The following FLNB variants were observed in gnomAD, a reference collection of about 807,000 sequenced individuals.
FLNB encodes the protein filamin B, also known as filamin-B.
A neutral mutation model predicts 250.6 loss-of-function variants in FLNB; 111 were observed. The observed-to-expected ratio is 0.44, with a 90% CI of 0.38 to 0.52. The LOEUF (loss-of-function observed/expected upper bound fraction) is 0.52. FLNB is among the 20% of genes least tolerant of loss of function. The pLI, the probability that FLNB is intolerant of heterozygous loss-of-function variation, is 0.00. For missense variants in FLNB, 2,869 were observed against 3,447.8 expected, an observed-to-expected ratio of 0.83 and a Z score of 4.20; for synonymous variants, 1,302 against 1,372.1, an observed-to-expected ratio of 0.95 and a Z score of 1.13.
At chr3:58,087,275 A>G (rs1055727325) in intron 4 of FLNB, among the ~76,000 whole-genome samples, 36 of 152,282 alleles carry the variant, frequency 2.4e-4, no homozygotes, top group Admixed American at 2.3e-3. Context: ...CTTTGCAAGT[A>G]TCTTTTAAGG....
At chr3:58,034,838 C>T (rs1005413990) in intron 1 of FLNB, among the ~76,000 whole-genome samples, 2 of 152,100 alleles carry the variant, frequency 1.3e-5, no homozygotes, top group African/African-American at 4.8e-5. Context: ...GTCCCAGGCC[C>T]GCAGCCACAC....
In FLNB at chr3:58,118,940, T is replaced by G. The variant is rs370442597; in HGVS notation, c.2814T>G (p.Val938=). The G allele has an allele frequency of 3.1e-6, 5 of 1,614,036 alleles. No individual in the cohort carries two copies. In the African/African-American group the frequency reaches 6.7e-5, roughly 22 times the overall value. ...CTAAAAGCCCTTTCACTGTGGGTGT[T>G]GCTGCACCGCTGGATCTGAGCAAGA... The part of the protein sequence containing the change: ...PIPKSPFTVG[V]AAPLDLSKIK... Residue 938 remains valine, a synonymous_variant, in exon 19 of 46, where the codon GTT becomes GTG. Transcript: ENST00000295956.
intron 12 of FLNB, 65 bp from the exon 13 acceptor site, chr3:58,108,393 T>G: frequency 9.7e-7 from 1 of 1,036,154 alleles, no homozygotes; most frequent in Non-Finnish European, 1.5e-6. Context: ...TGGTTACCTG[T>G]CTTTGTATAA....
intron 1 of FLNB, among the ~76,000 whole-genome samples, chr3:58,018,589 C>T (rs2097109205): frequency 1.3e-5 from 2 of 152,016 alleles, no homozygotes; most frequent in South Asian, 4.2e-4. Flanking sequence ...GATCTTGGCT[C>T]ACTGCAACCT....
At chr3:58,038,397 T>C (rs1008741994) in intron 1 of FLNB, among the ~76,000 whole-genome samples, 1 of 151,748 alleles carries the variant, frequency 6.6e-6, no homozygotes, top group African/African-American at 2.4e-5. Flanking sequence ...AAGTCAAGAC[T>C]GAGTTAGTTC....
At chr3:58,158,372 G>A (rs1188319036) in intron 41 of FLNB, among the ~76,000 whole-genome samples, 1 of 152,198 alleles carries the variant, frequency 6.6e-6, no homozygotes, top group East Asian at 1.9e-4. Flanking sequence ...TGTATATATG[G>A]CCTCGTGGCT....
intron 10 of FLNB, among the ~76,000 whole-genome samples, chr3:58,104,314 G>T (rs1043456054): frequency 4.6e-5 from 7 of 152,104 alleles, no homozygotes; most frequent in Non-Finnish European, 1.0e-4. Flanking sequence ...GTTAGGGGCT[G>T]GTGGGAGGCA....
intron 1 of FLNB, among the ~76,000 whole-genome samples, chr3:58,057,412 A>T (rs75917808): frequency 6.6e-6 from 1 of 152,214 alleles, no homozygotes; most frequent in Non-Finnish European, 1.5e-5. Context: ...GTCTGCCTCT[A>T]CCTAGCTTTA....
intron 1 of FLNB, among the ~76,000 whole-genome samples, chr3:58,030,292 T>G (rs1011350285): frequency 6.6e-6 from 1 of 152,120 alleles, no homozygotes. Flanking sequence ...CTGGCTCACA[T>G]AGAAGGAAAA....
intron 1 of FLNB, among the ~76,000 whole-genome samples, chr3:58,056,114 T>A (rs1231306907): frequency 6.6e-5 from 10 of 150,574 alleles, no homozygotes; most frequent in South Asian, 2.1e-4. Context: ...TATTTTTTTT[T>A]TTTTTGAGGT....
chr3:58,080,696 G>A (rs2097207944), intron 3 of FLNB, among the ~76,000 whole-genome samples: 1 of 151,556 alleles, frequency 6.6e-6, no homozygotes, highest in African/African-American at 2.4e-5. Context: ...GTTTCACCAT[G>A]TTGGCCAGGC....
rs771258912 is a variant in FLNB, at chr3:58,168,468, C to T, written c.7227C>T (p.Thr2409=). ...TCCAGTCGGAATTCTTTATTAACAC[C>T]ACCCGAGCAGGTCCAGGGACATTAT... ...TGIQSEFFIN[T]TRAGPGTLSV... The change falls in exon 44 of 46, where the codon ACC becomes ACT. Residue 2409 remains threonine, a synonymous_variant. Coordinates refer to ENST00000295956, the MANE Select transcript of FLNB (RefSeq NM_001457.4). The T allele has an allele frequency of 8.1e-6, 13 of 1,614,100 alleles. No individual in the cohort carries two copies. The highest frequency in any genetic ancestry group is 1.1e-5 in the Non-Finnish European group (13 of 1,179,946).
chr3:58,087,786 G>A (rs1190205472), intron 4 of FLNB, among the ~76,000 whole-genome samples: 1 of 151,512 alleles, frequency 6.6e-6, no homozygotes, highest in Non-Finnish European at 1.5e-5. Context: ...TGTTGCCCAG[G>A]CTGGAGTGCA....
At chr3:58,107,489 C>A (rs1225070928) in intron 12 of FLNB, among the ~76,000 whole-genome samples, 1 of 152,226 alleles carries the variant, frequency 6.6e-6, no homozygotes, top group Non-Finnish European at 1.5e-5. Context: ...AGGTGGCATG[C>A]ATAAAGACCG....
Position 58,097,988 on chromosome 3 carries a change from T to G in FLNB, c.1147+11T>G, listed in dbSNP as rs2097242068. 6.2e-7 allele frequency: 1 copy of G among 1,613,720 alleles called. No individual in the cohort carries two copies. On this transcript the variant is annotated intron_variant, in intron 7 of 45. Transcript: ENST00000295956. ...ACATCTATACGGCAGGTAACGTGCC[T>G]CTCCTCCATGGATCTGACCTTTGCG...
rs771888040 is a variant in FLNB, at chr3:58,146,799, CAT to C, written c.5555-20_5555-19del. 1 of 1,613,928 alleles carries C rather than the reference CAT, an allele frequency of 6.2e-7. No individual in the cohort carries two copies. The highest frequency in any genetic ancestry group is 8.5e-7 in the Non-Finnish European group (1 of 1,179,774). On this transcript the variant is annotated intron_variant, in intron 33 of 45. Coordinates refer to ENST00000295956, the MANE Select transcript of FLNB (RefSeq NM_001457.4). ...GGCAACTCTCTCCCTAACACCCCTG[CAT>C]CCCTGTTCCCACTTGTAGGTGGTCT...
At chr3:58,098,571 G>T in intron 7 of FLNB, 140 bp from the exon 8 acceptor site, 1 of 725,018 alleles carries the variant, frequency 1.4e-6, no homozygotes, top group Non-Finnish European at 2.4e-6. Context: ...GACCTCAAGT[G>T]ATCTACCCAC....
intron 1 of FLNB, among the ~76,000 whole-genome samples, chr3:58,073,934 G>C (rs4681659): frequency 0.56 from 84,727 of 152,114 alleles, 25,831 homozygotes; most frequent in African/African-American, 0.82. Context: ...CATAACACAG[G>C]TGCCTGTTTC....
chr3:58,116,784 G>A (rs1162750997), intron 18 of FLNB, among the ~76,000 whole-genome samples: 4 of 152,080 alleles, frequency 2.6e-5, no homozygotes, highest in South Asian at 2.1e-4. Context: ...CTCACCGCAC[G>A]TTCCCCTGCG....
Sources: gnomAD v4.1 joint callset for allele counts (sites outside exome capture counted in the v4.1 genomes callset) on GRCh38, gnomAD v4.1.1 for gene constraint, MANE v1.5 for transcripts, NCBI Gene and HGNC (gene_info 2026-07-23, HGNC 2026-07-21) for gene names.